Variants in EHBP1L1 observed in about 807,000 individuals in gnomAD.
EHBP1L1 encodes EH domain-binding protein 1-like protein 1.
In EHBP1L1, 122 loss-of-function variants were observed where a neutral mutation model predicts 151.1. That is an observed-to-expected ratio of 0.81 (90% CI 0.70 to 0.94). EHBP1L1 has a LOEUF of 0.94. Among genes scored for constraint, EHBP1L1 ranks in the 40% least tolerant of loss-of-function variants. The pLI, the probability that EHBP1L1 is intolerant of heterozygous loss-of-function variation, is 0.00. For missense variants in EHBP1L1, 1,941 were observed against 1,959.8 expected (o/e 0.99, Z 0.18); for synonymous variants, 878 against 810.1 (o/e 1.08, Z -1.42).
chr11:65,591,229 A>G (rs1174935957), intron 16 of EHBP1L1: 1 of 164,582 alleles, frequency 6.1e-6, no homozygotes, highest in Non-Finnish European at 1.3e-5. Context: ...CTAAAAATAC[A>G]AAACATTAGC....
chr11:65,581,417 G>A (rs1026733884), intron 8 of EHBP1L1, 44 bp downstream of exon 8: 1 of 1,485,930 alleles, frequency 6.7e-7, no homozygotes, highest in South Asian at 1.4e-5. Flanking sequence ...CCCCTGATAG[G>A]AGCTGCAGTC....
In EHBP1L1 at chr11:65,582,528, A is replaced by T; in HGVS notation, c.1856A>T (p.Glu619Val). The T allele has an allele frequency of 6.2e-7, 1 of 1,613,458 alleles. No individual in the cohort carries two copies. Among genetic ancestry groups the T allele is most frequent in the Non-Finnish European group, 8.5e-7 (1 of 1,179,836 alleles). ...GAAGCAGCAAGATCAAGGGTCCTGGAGTCAGAGGTTGCTGGGACAGCACAG... is the reference window on the plus strand; with the variant it reads ...GAAGCAGCAAGATCAAGGGTCCTGGTGTCAGAGGTTGCTGGGACAGCACAG... ...EKEAARSRVLESEVAGTAQCE... is the reference protein window; with the variant it reads ...EKEAARSRVLVSEVAGTAQCE... Residue 619 changes from glutamate to valine, a missense_variant, in exon 9 of 19, where the codon GAG becomes GTG. Transcript: ENST00000309295.
chr11:65,585,032 C>G lies in EHBP1L1; in HGVS notation c.3374C>G (p.Pro1125Arg). 6.5e-7 allele frequency: 1 copy of G among 1,537,350 alleles called. No homozygotes were observed. The highest frequency in any genetic ancestry group is 8.7e-7 in the Non-Finnish European group (1 of 1,148,040). Residue 1125 changes from proline (P) to arginine (R), a missense_variant, in exon 12 of 19, where the codon CCC becomes CGC. By Grantham distance (103) the Pro-to-Arg change is moderately radical. Transcript: ENST00000309295. The surrounding 1 kb of genome is among the most constrained non-coding windows in gnomAD (Gnocchi z 4.0). The part of the protein sequence containing the change: ...EPADMVLLSV[P>R]DKLIVMTYLC... ...GCGGACATGGTGCTACTGTCGGTGC[C>G]CGACAAGCTCATCGTCATGACGTAC... is the stretch of plus-strand genomic sequence containing the variant.
At position 65,583,765 on chromosome 11, in the gene EHBP1L1, G is replaced by A; in HGVS notation, c.3093G>A (p.Gln1031=). The change falls in exon 9 of 19, where the codon CAG becomes CAA. Residue 1031 remains glutamine (Q), a splice_region_variant and synonymous_variant. Transcript: ENST00000309295. ...AEEDRRLPGS[Q]APPALVSSSQ... ...AGGACAGGAGGCTGCCGGGCAGCCA[G>A]GTAGGGATGGGGGCCGCCGAGGGCC... 6.8e-7 allele frequency: 1 copy of A among 1,479,002 alleles called. No homozygotes were observed. Among genetic ancestry groups the A allele is most frequent in the Admixed American group, 2.6e-5 (1 of 37,808 alleles). 91.6% of individuals were successfully genotyped at this position (1,479,002 alleles called of 1,614,324 possible). A position where few individuals can be genotyped will look rare whatever the true frequency, so the allele number is the denominator to read the frequency against.
In EHBP1L1 at chr11:65,591,813, G is replaced by C; in HGVS notation, c.4297G>C (p.Asp1433His). 5.9e-6 allele frequency: 9 copies of C among 1,535,200 alleles called. No homozygotes were observed. Among genetic ancestry groups the C allele is most frequent in the Non-Finnish European group, 7.9e-6 (9 of 1,138,220 alleles). Residue 1433 changes from aspartate (D) to histidine (H), a missense_variant, in exon 17 of 19, where the codon GAC becomes CAC. Physicochemically the swap from Asp to His is moderately conservative, Grantham distance 81. Coordinates refer to ENST00000309295, the MANE Select transcript of EHBP1L1 (RefSeq NM_001099409.3). ...GCCACCTTCCAGCATGGAGGAGCAGGACTTGGAGCGAAGGTTCGAGCTGCT... is the reference window on the plus strand; with the variant it reads ...GCCACCTTCCAGCATGGAGGAGCAGCACTTGGAGCGAAGGTTCGAGCTGCT... ...DQLQLLMEEQ[D>H]LERRFELLSR...
intron 7 of EHBP1L1, 21 bp from the exon 8 acceptor site, chr11:65,581,190 T>A (rs750816859): frequency 1.4e-5 from 23 of 1,609,780 alleles, no homozygotes; most frequent in Admixed American, 3.4e-5. Flanking sequence ...CAGGCCACAG[T>A]GTCCCCCTCT....
chr11:65,588,143 A>C (rs1437985045), intron 12 of EHBP1L1, among the ~76,000 whole-genome samples: 1 of 151,696 alleles, frequency 6.6e-6, no homozygotes, highest in Non-Finnish European at 1.5e-5. Flanking sequence ...GGAGACATGG[A>C]AGTCAGGGAG....
chr11:65,580,887 T>C, intron 6 of EHBP1L1, 171 bp from the exon 7 acceptor site: 1 of 1,417,712 alleles, frequency 7.1e-7, no homozygotes, highest in South Asian at 1.5e-5. Flanking sequence ...AGGTTCTCTC[T>C]CTCTTTCTCT....
Position 65,590,195 on chromosome 11 carries a change from A to C in EHBP1L1, c.4168A>C (p.Ser1390Arg), listed in dbSNP as rs1428995695. Reference protein sequence around the residue: ...RAAEVEMQLRSLMESGANKLQ... With the variant: ...RAAEVEMQLRRLMESGANKLQ... ...GGCTGAGGTGGAGATGCAGCTGAGG[A>C]GCCTCATGGAGTCAGGTGGGGCATA... is the stretch of plus-strand genomic sequence containing the variant. The change falls in exon 15 of 19, where the codon AGC becomes CGC. Residue 1390 changes from serine to arginine, a missense_variant. Coordinates refer to ENST00000309295, the MANE Select transcript of EHBP1L1 (RefSeq NM_001099409.3). 6.2e-7 allele frequency: 1 copy of C among 1,613,318 alleles called. No homozygotes were observed. The highest frequency in any genetic ancestry group is 1.3e-5 in the African/African-American group (1 of 74,880).
chr11:65,581,581 C>G lies in EHBP1L1; in HGVS notation c.909C>G (p.Ala303=). Residue 303 remains alanine (A), a synonymous_variant, in exon 9 of 19, where the codon GCC becomes GCG. Coordinates refer to ENST00000309295, the MANE Select transcript of EHBP1L1 (RefSeq NM_001099409.3). ...QPAQDTAPTP[A]PRLRKGSDAL... ...CCCAGGACACGGCCCCCACCCCAGC[C>G]CCTCGGCTCCGGAAAGGCTCTGATG... is the stretch of plus-strand genomic sequence containing the variant. The G allele has an allele frequency of 1.3e-6, 2 of 1,515,336 alleles. No homozygotes were observed. The highest frequency in any genetic ancestry group is 1.8e-6 in the Non-Finnish European group (2 of 1,132,236). 93.9% of individuals were successfully genotyped at this position (1,515,336 alleles called of 1,614,324 possible). A position where few individuals can be genotyped will look rare whatever the true frequency, so the allele number is the denominator to read the frequency against.
At position 65,581,141 on chromosome 11, in the gene EHBP1L1, G is replaced by C; in HGVS notation, c.703+15G>C. 1.2e-6 allele frequency: 2 copies of C among 1,612,674 alleles called. No homozygotes were observed. Among genetic ancestry groups the C allele is most frequent in the Non-Finnish European group, 1.7e-6 (2 of 1,179,610 alleles). ...CCAGCAGGCAGGTGAGACCCAGGCT[G>C]GGGTTGGGGGTGGAGACTGGACCCC... On this transcript the variant is annotated intron_variant, in intron 7 of 18. Coordinates refer to ENST00000309295, the MANE Select transcript of EHBP1L1 (RefSeq NM_001099409.3).
At position 65,583,316 on chromosome 11, in the gene EHBP1L1, C is replaced by G; in HGVS notation, c.2644C>G (p.Gln882Glu). ...TCCAGAGGCTGAGAAGGAAGAGGCT[C>G]AGACTTCGGGGGTCCAGGAAGCAGA... ...IVPEAEKEEA[Q>E]TSGVQEAETR... Residue 882 changes from glutamine (Q) to glutamate (E), a missense_variant, in exon 9 of 19, where the codon CAG (glutamine) becomes GAG (glutamate). Transcript: ENST00000309295. 5 of 1,613,684 alleles carry G rather than the reference C, an allele frequency of 3.1e-6. No homozygotes were observed. Among genetic ancestry groups the G allele is most frequent in the Non-Finnish European group, 3.4e-6 (4 of 1,179,816 alleles).
Position 65,582,424 on chromosome 11 carries a change from C to T in EHBP1L1, c.1752C>T (p.Thr584=), listed in dbSNP as rs1205487928. 1 of 1,611,378 alleles carries T rather than the reference C, an allele frequency of 6.2e-7. No individual in the cohort carries two copies. Among genetic ancestry groups the T allele is most frequent in the South Asian group, 1.1e-5 (1 of 90,994 alleles). The change falls in exon 9 of 19, where the codon ACC becomes ACT. Residue 584 remains threonine, a synonymous_variant. Transcript: ENST00000309295. ...TGGTAGGGTTGGAGGTGCTGGGAACCCAGGAGAAAGAAGTTGAGGGGTCAG... is the reference window on the plus strand; with the variant it reads ...TGGTAGGGTTGGAGGTGCTGGGAACTCAGGAGAAAGAAGTTGAGGGGTCAG... The part of the protein sequence containing the change: ...TEVVGLEVLG[T]QEKEVEGSGF...
Position 65,590,688 on chromosome 11 carries a change from A to G in EHBP1L1, c.4283+96A>G. Reference sequence around the variant, plus strand: ...TCTTATTCCTACAGAGATCTTTTTGACAAACGATTCCTCTTCCATCTTACT... The same window carrying G: ...TCTTATTCCTACAGAGATCTTTTTGGCAAACGATTCCTCTTCCATCTTACT... On this transcript the variant is annotated intron_variant, in intron 16 of 18. Coordinates refer to ENST00000309295, the MANE Select transcript of EHBP1L1 (RefSeq NM_001099409.3). 9 of 1,083,320 alleles carry G rather than the reference A, an allele frequency of 8.3e-6. No individual in the cohort carries two copies. In the South Asian group the frequency reaches 1.2e-4, roughly 15 times the overall value. 67.1% of individuals were successfully genotyped at this position (1,083,320 alleles called of 1,614,324 possible). A position where few individuals can be genotyped will look rare whatever the true frequency, so the allele number is the denominator to read the frequency against.
rs1179147171 is a variant in EHBP1L1, at chr11:65,576,270, G to C, written c.-33G>C. 2.6e-6 allele frequency: 4 copies of C among 1,547,538 alleles called. No individual in the cohort carries two copies. The South Asian group carries it at 3.5e-5, about 14-fold the overall frequency. On this transcript the variant is annotated 5_prime_UTR_variant, in exon 1 of 19. Coordinates refer to ENST00000309295, the MANE Select transcript of EHBP1L1 (RefSeq NM_001099409.3). Reference sequence around the variant, plus strand: ...GGTGGCGGGCCAGCGGGAGCCCCGGGCCTGAGAAGTGGGCGGCGGGGTGGC... The same window carrying C: ...GGTGGCGGGCCAGCGGGAGCCCCGGCCCTGAGAAGTGGGCGGCGGGGTGGC...
chr11:65,592,515 C>T lies in EHBP1L1; in HGVS notation c.*213C>T, dbSNP rs1267557951. The T allele has an allele frequency of 9.1e-6, 2 of 220,100 alleles. No individual in the cohort carries two copies. Among genetic ancestry groups the T allele is most frequent in the African/African-American group, 2.4e-5 (1 of 42,458 alleles). 13.6% of individuals were successfully genotyped at this position (220,100 alleles called of 1,614,324 possible). On this transcript the variant is annotated 3_prime_UTR_variant, in exon 19 of 19. Transcript: ENST00000309295. Reference sequence around the variant, plus strand: ...TTGTCACCGAGGGTGTGTGCGCGCTCGCGGCGGGTGCGGGGTCCTCCCCGA... The same window carrying T: ...TTGTCACCGAGGGTGTGTGCGCGCTTGCGGCGGGTGCGGGGTCCTCCCCGA...
intron 12 of EHBP1L1, among the ~76,000 whole-genome samples, chr11:65,586,512 C>G (rs1018857176): frequency 5.3e-5 from 8 of 152,200 alleles, no homozygotes; most frequent in African/African-American, 1.9e-4. Context: ...GATAAGATGG[C>G]CAGGTTTTTC....
At chr11:65,580,712 G>T (rs1394669453) in intron 6 of EHBP1L1, among the ~76,000 whole-genome samples, 1 of 152,124 alleles carries the variant, frequency 6.6e-6, no homozygotes, top group East Asian at 1.9e-4. Flanking sequence ...GGGCTCCTGG[G>T]TCCTCTCCTC....
chr11:65,585,596 G>T lies in EHBP1L1; in HGVS notation c.3933+5G>T. Reference sequence around the variant, plus strand: ...GCCATGGGAGCTGCGGCTGCAGTGAGTGTCAAGGTCCTTCTTTCTTCCCCC... The same window carrying T: ...GCCATGGGAGCTGCGGCTGCAGTGATTGTCAAGGTCCTTCTTTCTTCCCCC... On this transcript the variant is annotated splice_donor_5th_base_variant and intron_variant, in intron 12 of 18. Coordinates refer to ENST00000309295, the MANE Select transcript of EHBP1L1 (RefSeq NM_001099409.3). The surrounding 1 kb of genome is among the most constrained non-coding windows in gnomAD (Gnocchi z 4.0). 6.4e-7 allele frequency: 1 copy of T among 1,569,878 alleles called. No individual in the cohort carries two copies. The highest frequency in any genetic ancestry group is 8.6e-7 in the Non-Finnish European group (1 of 1,165,496).
Sources: allele counts gnomAD v4.1 joint callset (sites outside exome capture counted in the v4.1 genomes callset), GRCh38; gene constraint gnomAD v4.1.1; non-coding constraint Gnocchi (gnomAD v3.1); transcripts MANE v1.5; gene names NCBI Gene and HGNC (gene_info 2026-07-23, HGNC 2026-07-21).